Variants in FRYL observed in about 807,000 individuals in gnomAD.
FRYL encodes FRY like transcription coactivator, also known as protein furry homolog-like.
A neutral mutation model predicts 351.2 loss-of-function variants in FRYL; 150 were observed. The observed-to-expected ratio is 0.43, with a 90% CI of 0.37 to 0.49. The LOEUF is 0.49. Ranked by LOEUF, FRYL falls within the 20% of genes least tolerant of loss-of-function variation. The pLI, the probability that FRYL is intolerant of heterozygous loss-of-function variation, is 0.00. For synonymous variants in FRYL, 1,153 were observed against 1,257.1 expected (o/e 0.92, Z 1.75); for missense variants, 3,036 against 3,619.3 (o/e 0.84, Z 4.13).
chr4:48,586,583 G>C (rs1361613224), intron 19 of FRYL, 38 bp downstream of exon 19: 1 of 1,311,236 alleles, frequency 7.6e-7, no homozygotes, highest in Non-Finnish European at 1.1e-6. Flanking sequence ...AGGAGCAGAA[G>C]ACATAAAACA....
At chr4:48,622,079 C>A (rs1750756225) in intron 5 of FRYL, among the ~76,000 whole-genome samples, 1 of 152,070 alleles carries the variant, frequency 6.6e-6, no homozygotes, top group Non-Finnish European at 1.5e-5. Context: ...TTATACCACA[C>A]AGAGCTTTTT....
Position 48,595,888 on chromosome 4 carries a change from G to C in FRYL, c.1139+9C>G. 6.6e-7 allele frequency: 1 copy of C among 1,512,708 alleles called. No individual in the cohort carries two copies. The allele number at this position is 1,512,708 out of a possible 1,614,324, so 93.7% of individuals were successfully genotyped here. On this transcript the variant is annotated intron_variant, in intron 14 of 63. Coordinates refer to ENST00000358350, the MANE Select transcript of FRYL (RefSeq NM_015030.2). ...TATTTTTAATGCACTTTAAAGCAAA[G>C]ATACTCACCTTTGAGTTACAGTGTT...
intron 3 of FRYL, among the ~76,000 whole-genome samples, chr4:48,639,231 C>A (rs367613305): frequency 1.3e-5 from 2 of 151,920 alleles, no homozygotes. Flanking sequence ...GGCAAATAAT[C>A]CAGAACAGCC....
chr4:48,749,953 T>G (rs1405397930), intron 1 of FRYL, among the ~76,000 whole-genome samples: 1 of 151,948 alleles, frequency 6.6e-6, no homozygotes, highest in African/African-American at 2.4e-5. Context: ...GGCAAAATAG[T>G]GATGCCCTGT....
intron 3 of FRYL, among the ~76,000 whole-genome samples, chr4:48,670,752 C>A (rs538312344): frequency 6.6e-6 from 1 of 152,280 alleles, no homozygotes; most frequent in Admixed American, 6.5e-5. Context: ...CCAGTTCCAT[C>A]CATGTTGCTG....
intron 19 of FRYL, among the ~76,000 whole-genome samples, chr4:48,585,799 C>T (rs540789247): frequency 2.0e-4 from 30 of 152,284 alleles, no homozygotes; most frequent in African/African-American, 7.2e-4. Flanking sequence ...ATATCTATCA[C>T]CATAAATACT....
Position 48,551,519 on chromosome 4 carries a change from G to C in FRYL, c.4495C>G (p.Pro1499Ala), listed in dbSNP as rs1280886557. 4 of 1,609,510 alleles carry C rather than the reference G, an allele frequency of 2.5e-6. No homozygotes were observed. In the Admixed American group the frequency reaches 6.7e-5, roughly 27 times the overall value. ...CTCTCTTCAATATTCTCTTTAATGG[G>C]CTTATTATCAGGATTGCCATCTGTG... ...APTDGNPDNK[P>A]IKENIEESYV... is the part of the protein sequence containing the mutation. The change falls in exon 37 of 64, where the codon CCC becomes GCC. Residue 1499 changes from proline (P) to alanine (A), a missense_variant. Pro to Ala is a conservative substitution (Grantham distance 27). Coordinates refer to ENST00000358350, the MANE Select transcript of FRYL (RefSeq NM_015030.2).
chr4:48,546,348 T>C, intron 41 of FRYL, 77 bp from the exon 42 acceptor site: 3 of 1,132,964 alleles, frequency 2.6e-6, no homozygotes, highest in Non-Finnish European at 2.6e-6. Context: ...AAACTGTTGT[T>C]CCTTAGACTC....
At chr4:48,733,377 T>G (rs1382480538) in intron 1 of FRYL, among the ~76,000 whole-genome samples, 1 of 151,572 alleles carries the variant, frequency 6.6e-6, no homozygotes, top group African/African-American at 2.4e-5. Flanking sequence ...AAAAACTTCC[T>G]CATAGAAACA....
chr4:48,590,146 G>A (rs1742936194), intron 17 of FRYL, among the ~76,000 whole-genome samples: 1 of 152,070 alleles, frequency 6.6e-6, no homozygotes, highest in Non-Finnish European at 1.5e-5. Flanking sequence ...GATTTAACTG[G>A]AAAACTCTTA....
intron 7 of FRYL, among the ~76,000 whole-genome samples, chr4:48,614,858 A>G (rs1346537304): frequency 7.4e-5 from 7 of 95,212 alleles, no homozygotes; most frequent in Admixed American, 1.7e-4. Context: ...ACGGAGTCTC[A>G]CTGTGTCTCC....
intron 2 of FRYL, among the ~76,000 whole-genome samples, chr4:48,693,931 G>C (rs570057643): frequency 6.6e-6 from 1 of 152,280 alleles, no homozygotes; most frequent in South Asian, 2.1e-4. Context: ...TCGCATCTTG[G>C]TACCAAGTTA....
chr4:48,510,486 A>G (rs1289889342), intron 58 of FRYL, among the ~76,000 whole-genome samples: 2 of 152,218 alleles, frequency 1.3e-5, no homozygotes, highest in Non-Finnish European at 2.9e-5. Flanking sequence ...GTGCTTAGAA[A>G]TAAATCAGGA....
chr4:48,712,737 G>A (rs561319018), intron 1 of FRYL, among the ~76,000 whole-genome samples: 7 of 152,212 alleles, frequency 4.6e-5, no homozygotes, highest in Admixed American at 3.3e-4. Context: ...GATACTCCTC[G>A]AGAAGAGCAA....
chr4:48,647,886 T>C (rs988916673), intron 3 of FRYL, among the ~76,000 whole-genome samples: 2 of 152,196 alleles, frequency 1.3e-5, no homozygotes, highest in Non-Finnish European at 2.9e-5. Flanking sequence ...TTTTCCACTA[T>C]GACCAACATT....
chr4:48,677,042 T>C (rs1237303315), intron 3 of FRYL, among the ~76,000 whole-genome samples: 2 of 152,216 alleles, frequency 1.3e-5, no homozygotes, highest in African/African-American at 4.8e-5. Flanking sequence ...TTTAGTAGTG[T>C]GCTCTACAGG....
Position 48,586,716 on chromosome 4 carries a change from T to C in FRYL, c.1653A>G (p.Lys551=), listed in dbSNP as rs1340177810. Residue 551 remains lysine (K), a synonymous_variant, in exon 19 of 64, where the codon AAA becomes AAG. Transcript: ENST00000358350. ...EPEDMITGER[K]PKIDLFRTCI... is the part of the protein sequence containing the mutation. ...AAGTTCTAAACAAATCAATCTTGGG[T>C]TTTCTTTCCCCCCTGAAAAATACAA... 5 of 1,605,204 alleles carry C rather than the reference T, an allele frequency of 3.1e-6. No individual in the cohort carries two copies. In the African/African-American group the frequency reaches 5.4e-5, roughly 17 times the overall value.
At chr4:48,634,541 G>T in intron 3 of FRYL, 51 bp from the exon 4 acceptor site, 1 of 1,432,782 alleles carries the variant, frequency 7.0e-7, no homozygotes, top group Non-Finnish European at 9.6e-7. Context: ...CAACTCAAGA[G>T]GTCTACCATA....
chr4:48,506,610 C>A (rs1256773173), intron 59 of FRYL: 2 of 83,652 alleles, frequency 2.4e-5, no homozygotes, highest in Non-Finnish European at 2.2e-5. Context: ...TTAAACAATA[C>A]AACTAATATA....
Sources: allele counts gnomAD v4.1 joint callset (sites outside exome capture counted in the v4.1 genomes callset), GRCh38; gene constraint gnomAD v4.1.1; transcripts MANE v1.5; gene names NCBI Gene and HGNC (gene_info 2026-07-23, HGNC 2026-07-21).